The following GRID2 variants were observed in gnomAD, a reference collection of about 807,000 sequenced individuals.
GRID2 encodes glutamate receptor ionotropic, delta-2.
GRID2 carries 33 observed loss-of-function variants against 114.8 expected under a neutral mutation model. The observed-to-expected ratio is 0.29, with a 90% CI of 0.22 to 0.38. The LOEUF (loss-of-function observed/expected upper bound fraction) is 0.38. Ranked by LOEUF, GRID2 falls within the 10% of genes least tolerant of loss-of-function variation. GRID2 has a pLI of 1.00. For missense variants in GRID2, 1,184 were observed against 1,257.7 expected, an observed-to-expected ratio of 0.94 and a Z score of 0.89; for synonymous variants, 505 against 449.9, an observed-to-expected ratio of 1.12 and a Z score of -1.55.
intron 1 of GRID2, among the ~76,000 whole-genome samples, chr4:92,466,175 C>A (rs922116297): frequency 6.6e-6 from 1 of 151,754 alleles, no homozygotes; most frequent in South Asian, 2.1e-4. Flanking sequence ...GTAATCAGAT[C>A]AGGATGCTTA....
At position 92,617,223 on chromosome 4, in the gene GRID2, T is replaced by A. The variant is rs933737333; in HGVS notation, c.244+26937T>A. On this transcript the variant is annotated intron_variant, in intron 2 of 15. Transcript: ENST00000282020. ...TCTAGTATCCTCAGTTCTACTTTTG[T>A]TTTTTAAAGGATCTAGCATGCAAGT... 5.3e-5 allele frequency among the ~76,000 whole-genome samples: 8 copies of A among 151,426 alleles called. No homozygotes were observed. In the East Asian group the frequency reaches 1.6e-3, roughly 30 times the overall value.
intron 1 of GRID2, among the ~76,000 whole-genome samples, chr4:92,488,062 T>G (rs766887537): frequency 6.6e-6 from 1 of 152,174 alleles, no homozygotes; most frequent in Admixed American, 6.6e-5. Flanking sequence ...ATTCTGTTGA[T>G]GAATTCACTG....
At chr4:92,344,036 C>T (rs1727643195) in intron 1 of GRID2, among the ~76,000 whole-genome samples, 1 of 152,156 alleles carries the variant, frequency 6.6e-6, no homozygotes, top group Admixed American at 6.6e-5. Context: ...AGGAGCTGGT[C>T]TTGCTGTCTC....
At chr4:93,429,176 T>G (rs570326393) in intron 10 of GRID2, among the ~76,000 whole-genome samples, 4 of 152,282 alleles carry the variant, frequency 2.6e-5, no homozygotes, top group South Asian at 2.1e-4. Context: ...GTCTGATATC[T>G]TCAGTGGTTT....
At chr4:92,860,517 A>G (rs1203776473) in intron 2 of GRID2, among the ~76,000 whole-genome samples, 1 of 152,128 alleles carries the variant, frequency 6.6e-6, no homozygotes, top group East Asian at 1.9e-4. Context: ...TATTGCCTAT[A>G]AAGAGAGTAA....
intron 2 of GRID2, among the ~76,000 whole-genome samples, chr4:93,011,702 T>C (rs1348409450): frequency 6.6e-6 from 1 of 152,122 alleles, no homozygotes; most frequent in African/African-American, 2.4e-5. Context: ...AGATGTATCA[T>C]GTTCCAAACA....
intron 1 of GRID2, among the ~76,000 whole-genome samples, chr4:92,436,927 C>T (rs1466866930): frequency 1.3e-5 from 2 of 151,984 alleles, no homozygotes; most frequent in African/African-American, 4.8e-5. Flanking sequence ...GTAATGAATG[C>T]TTTATGTACT....
chr4:93,492,292 T>C (rs763140085), intron 12 of GRID2, among the ~76,000 whole-genome samples: 1 of 151,930 alleles, frequency 6.6e-6, no homozygotes, highest in African/African-American at 2.4e-5. Context: ...TCTTCAAAAA[T>C]ACATACTATG....
intron 8 of GRID2, among the ~76,000 whole-genome samples, chr4:93,316,897 A>AT (rs1756717054): frequency 6.6e-6 from 1 of 152,040 alleles, no homozygotes; most frequent in Admixed American, 6.6e-5. Flanking sequence ...TAATCAATTT[A>AT]TTTTTTCCTC....
chr4:92,678,129 T>G (rs962227068), intron 2 of GRID2, among the ~76,000 whole-genome samples: 1 of 152,094 alleles, frequency 6.6e-6, no homozygotes, highest in African/African-American at 2.4e-5. Flanking sequence ...CTTTAGATCT[T>G]TATTCAAATT....
chr4:93,397,716 A>C (rs1172480838), intron 9 of GRID2, among the ~76,000 whole-genome samples: 2 of 151,954 alleles, frequency 1.3e-5, no homozygotes, highest in Non-Finnish European at 2.9e-5. Flanking sequence ...CCCCCACACC[A>C]AAATCTGCAA....
At chr4:93,381,537 A>T (rs1379445774) in intron 8 of GRID2, among the ~76,000 whole-genome samples, 1 of 152,088 alleles carries the variant, frequency 6.6e-6, no homozygotes, top group African/African-American at 2.4e-5. Context: ...TATTGTAATG[A>T]AATGTTTATG....
At chr4:93,333,050 A>G (rs2149232544) in intron 8 of GRID2, among the ~76,000 whole-genome samples, 1 of 152,226 alleles carries the variant, frequency 6.6e-6, no homozygotes, top group African/African-American at 2.4e-5. Flanking sequence ...AATGATAATG[A>G]TCTGTTGACT....
At chr4:93,225,936 A>G (rs1745433589) in intron 7 of GRID2, among the ~76,000 whole-genome samples, 1 of 152,158 alleles carries the variant, frequency 6.6e-6, no homozygotes, top group Admixed American at 6.5e-5. Flanking sequence ...GCAGCTGCAC[A>G]AGATAGAGCG....
chr4:93,566,262 G>T (rs1735408745), intron 13 of GRID2, among the ~76,000 whole-genome samples: 1 of 152,124 alleles, frequency 6.6e-6, no homozygotes, highest in African/African-American at 2.4e-5. Context: ...AGTGCAAGAA[G>T]CCCAGACTCA....
intron 1 of GRID2, among the ~76,000 whole-genome samples, chr4:92,491,374 A>G (rs1723139418): frequency 6.6e-6 from 1 of 152,082 alleles, no homozygotes; most frequent in African/African-American, 2.4e-5. Flanking sequence ...TGATGCTTTT[A>G]TCTTCTGCTA....
At chr4:93,111,535 G>T (rs1446587745) in intron 4 of GRID2, among the ~76,000 whole-genome samples, 3 of 152,038 alleles carry the variant, frequency 2.0e-5, no homozygotes, top group Non-Finnish European at 4.4e-5. Context: ...CTGAAACTTA[G>T]TAAAAATACA....
intron 2 of GRID2, among the ~76,000 whole-genome samples, chr4:92,675,162 A>T (rs964442409): frequency 6.6e-6 from 1 of 152,134 alleles, no homozygotes; most frequent in Admixed American, 6.5e-5. Context: ...CTATTACTAT[A>T]TAACTCTGCT....
intron 4 of GRID2, among the ~76,000 whole-genome samples, chr4:93,197,238 C>G (rs1033830574): frequency 1.8e-4 from 27 of 152,144 alleles, no homozygotes; most frequent in Non-Finnish European, 3.7e-4. Flanking sequence ...ATAACAGGTT[C>G]TGCAACTTAG....
Sources: gnomAD v4.1 joint callset for allele counts (sites outside exome capture counted in the v4.1 genomes callset) on GRCh38, gnomAD v4.1.1 for gene constraint, MANE v1.5 for transcripts, NCBI Gene and HGNC (gene_info 2026-07-23, HGNC 2026-07-21) for gene names.